Variants in CADPS2 observed in about 807,000 individuals in gnomAD.
CADPS2 encodes the protein calcium-dependent secretion activator 2.
In CADPS2, 93 loss-of-function variants were observed where a neutral mutation model predicts 172.5. That is an observed-to-expected ratio of 0.54 (90% CI 0.46 to 0.64). CADPS2 has a LOEUF of 0.64. CADPS2 is among the 30% of genes least tolerant of loss of function. CADPS2 has a pLI of 0.00. For missense variants in CADPS2, 1,420 were observed against 1,565.9 expected (o/e 0.91, Z 1.57); for synonymous variants, 546 against 555.2 (o/e 0.98, Z 0.23).
rs2087860288 is a variant in CADPS2, at chr7:122,707,920, T to C, written c.453+29035A>G. 4.6e-5 allele frequency among the ~76,000 whole-genome samples: 7 copies of C among 151,748 alleles called. No individual in the cohort carries two copies. The Admixed American group carries it at 4.6e-4, about 10-fold the overall frequency. On this transcript the variant is annotated intron_variant, in intron 2 of 29. Coordinates refer to ENST00000449022, the MANE Select transcript of CADPS2 (RefSeq NM_017954.11). ...TAGTTTATATAAAGGCATTTCTGGA[T>C]TGTGGCAACTATAATTCTTATTTCT...
rs534432176 is a variant in CADPS2, at chr7:122,417,929, A to G, written c.2477-1765T>C. Among the ~76,000 whole-genome samples, 52 of 152,294 alleles carry G rather than the reference A, an allele frequency of 3.4e-4. 1 individual carries two copies. The South Asian group carries it at 0.011, about 31-fold the overall frequency. ...GGTAATAACAACCATTAGAAATGGT[A>G]CAGTTTCAGGCGGGCAGATCACCTG... On this transcript the variant is annotated intron_variant, in intron 17 of 29. Coordinates refer to ENST00000449022, the MANE Select transcript of CADPS2 (RefSeq NM_017954.11).
At chr7:122,643,843 C>A (rs1040802525) in intron 3 of CADPS2, among the ~76,000 whole-genome samples, 3 of 152,068 alleles carry the variant, frequency 2.0e-5, no homozygotes, top group African/African-American at 7.2e-5. Context: ...ATAATCCCAG[C>A]ATTTTAGGAG....
intron 14 of CADPS2, among the ~76,000 whole-genome samples, chr7:122,463,152 T>A (rs553196045): frequency 1.0e-3 from 138 of 136,370 alleles, no homozygotes; most frequent in African/African-American, 3.1e-3. Context: ...ATACATATAT[T>A]TTTTTTTAAG....
intron 2 of CADPS2, among the ~76,000 whole-genome samples, chr7:122,708,828 T>C (rs1187739500): frequency 6.6e-6 from 1 of 151,890 alleles, no homozygotes; most frequent in African/African-American, 2.4e-5. Flanking sequence ...TCATTATTAC[T>C]ACTCTGGGAA....
At chr7:122,797,909 T>C (rs1247400576) in intron 1 of CADPS2, among the ~76,000 whole-genome samples, 1 of 152,124 alleles carries the variant, frequency 6.6e-6, no homozygotes, top group African/African-American at 2.4e-5. Context: ...TATGAATGTA[T>C]GATTTTAACT....
intron 2 of CADPS2, among the ~76,000 whole-genome samples, chr7:122,700,058 T>A (rs2085780208): frequency 6.6e-6 from 1 of 152,142 alleles, no homozygotes; most frequent in East Asian, 1.9e-4. Context: ...CAATATGACA[T>A]CAAAGCTAAA....
chr7:122,541,832 CATATGTTT>C (rs2063090055), intron 8 of CADPS2, among the ~76,000 whole-genome samples: 11 of 91,528 alleles, frequency 1.2e-4, no homozygotes, highest in Non-Finnish European at 2.5e-4. Context: ...TTTATATATT[CATATGTTT>C]ATATATTCAT....
chr7:122,580,930 T>C (rs371548339), intron 7 of CADPS2, among the ~76,000 whole-genome samples: 5 of 152,280 alleles, frequency 3.3e-5, no homozygotes, highest in African/African-American at 7.2e-5. Context: ...TGTGTGAGAA[T>C]GACTGAGTTG....
chr7:122,533,373 C>T (rs1194908548), intron 8 of CADPS2, among the ~76,000 whole-genome samples: 1 of 152,140 alleles, frequency 6.6e-6, no homozygotes, highest in Non-Finnish European at 1.5e-5. Context: ...CTGCCACCAG[C>T]TAGCATTTTT....
At chr7:122,482,659 G>A (rs1341914293) in intron 11 of CADPS2, among the ~76,000 whole-genome samples, 2 of 152,156 alleles carry the variant, frequency 1.3e-5, no homozygotes, top group Non-Finnish European at 2.9e-5. Flanking sequence ...GAGCCTTACA[G>A]TCACTCCAGG....
Position 122,886,357 on chromosome 7 carries a change from C to T in CADPS2, c.-20G>A. On this transcript the variant is annotated 5_prime_UTR_variant, in exon 1 of 30. Coordinates refer to ENST00000449022, the MANE Select transcript of CADPS2 (RefSeq NM_017954.11). Reference sequence around the variant, plus strand: ...CAGCATGGTGCTCGGGGATCCCCGCCGCTCGGCCCGCGGTCCCCAAGCGCC... The same window carrying T: ...CAGCATGGTGCTCGGGGATCCCCGCTGCTCGGCCCGCGGTCCCCAAGCGCC... The T allele has an allele frequency of 1.3e-6, 2 of 1,488,924 alleles. No homozygotes were observed. Among genetic ancestry groups the T allele is most frequent in the East Asian group, 2.9e-5 (1 of 34,738 alleles). 92.2% of individuals were successfully genotyped at this position (1,488,924 alleles called of 1,614,324 possible). A position where few individuals can be genotyped will look rare whatever the true frequency, so the allele number is the denominator to read the frequency against.
intron 6 of CADPS2, among the ~76,000 whole-genome samples, chr7:122,588,578 T>A (rs999674442): frequency 1.3e-5 from 2 of 152,024 alleles, no homozygotes; most frequent in Admixed American, 6.6e-5. Context: ...AACAGATTCT[T>A]CTAATAATAG....
chr7:122,395,640 A>G (rs1563229209), intron 20 of CADPS2: 1 of 152,118 alleles, frequency 6.6e-6, no homozygotes, highest in Non-Finnish European at 1.5e-5. Flanking sequence ...TATGCAAATT[A>G]AAAAATATAC....
At chr7:122,592,952 C>T (rs1050254995) in intron 6 of CADPS2, among the ~76,000 whole-genome samples, 3 of 150,730 alleles carry the variant, frequency 2.0e-5, no homozygotes, top group Non-Finnish European at 4.4e-5. Context: ...CAAACCTGCA[C>T]GTTGTACACG....
intron 9 of CADPS2, 103 bp from the exon 10 acceptor site, chr7:122,491,523 A>G: frequency 1.7e-6 from 1 of 576,116 alleles, no homozygotes; most frequent in Non-Finnish European, 3.0e-6. Flanking sequence ...AAAATATAAC[A>G]TAATTTGCAC....
chr7:122,516,555 AGAAG>A (rs1332443243), intron 8 of CADPS2, among the ~76,000 whole-genome samples: 1 of 152,064 alleles, frequency 6.6e-6, no homozygotes, highest in Non-Finnish European at 1.5e-5. Context: ...AAATACATGA[AGAAG>A]GAATGAAGAT....
intron 1 of CADPS2, among the ~76,000 whole-genome samples, chr7:122,781,390 C>A (rs539886852): frequency 6.6e-6 from 1 of 152,244 alleles, no homozygotes; most frequent in East Asian, 1.9e-4. Flanking sequence ...TTGACAAACT[C>A]AAATATTTTC....
chr7:122,633,237 T>C (rs2076746934), intron 3 of CADPS2, among the ~76,000 whole-genome samples: 1 of 152,220 alleles, frequency 6.6e-6, no homozygotes, highest in South Asian at 2.1e-4. Context: ...AAAAATCATG[T>C]TGCTATTTTG....
At chr7:122,569,122 C>T (rs955875147) in intron 7 of CADPS2, among the ~76,000 whole-genome samples, 19 of 152,070 alleles carry the variant, frequency 1.2e-4, no homozygotes, top group African/African-American at 9.7e-5. Context: ...GATTGTATAT[C>T]TAGAAAACCC....
Sources: gnomAD v4.1 joint callset for allele counts (sites outside exome capture counted in the v4.1 genomes callset) on GRCh38, gnomAD v4.1.1 for gene constraint, MANE v1.5 for transcripts, NCBI Gene and HGNC (gene_info 2026-07-23, HGNC 2026-07-21) for gene names.